RNF220: variants seen among roughly 807,000 people sequenced by gnomAD.
RNF220 encodes the protein E3 ubiquitin-protein ligase RNF220.
Under a neutral mutation model 67.1 loss-of-function variants are expected in RNF220, and 7 were observed. That is an observed-to-expected ratio of 0.10 (90% CI 0.06 to 0.20). The LOEUF is 0.20. Among genes scored for constraint, RNF220 ranks in the 10% least tolerant of loss-of-function variants. RNF220 has a pLI of 1.00. For synonymous variants in RNF220, 270 were observed against 283.2 expected (o/e 0.95, Z 0.47); for missense variants, 565 against 740.3 (o/e 0.76, Z 2.75).
intron 2 of RNF220, among the ~76,000 whole-genome samples, chr1:44,460,251 C>T (rs1653631710): frequency 6.6e-6 from 1 of 152,130 alleles, no homozygotes; most frequent in Non-Finnish European, 1.5e-5. Flanking sequence ...CAGAACAGAC[C>T]CCGGCTGTGA....
intron 2 of RNF220, among the ~76,000 whole-genome samples, chr1:44,548,217 T>C (rs929776432): frequency 6.6e-6 from 1 of 152,210 alleles, no homozygotes; most frequent in Non-Finnish European, 1.5e-5. Context: ...AGCTCACTTA[T>C]ACTGTCTAAA....
chr1:44,460,087 T>A (rs1312708909), intron 2 of RNF220, among the ~76,000 whole-genome samples: 1 of 152,288 alleles, frequency 6.6e-6, no homozygotes, highest in African/African-American at 2.4e-5. Flanking sequence ...CAATTATAGC[T>A]TAATCCCAAC....
chr1:44,574,687 T>C (rs1213143745), intron 2 of RNF220, among the ~76,000 whole-genome samples: 1 of 152,292 alleles, frequency 6.6e-6, no homozygotes, highest in East Asian at 1.9e-4. Context: ...ATTCCTCCTT[T>C]GTTTAATAAG....
At chr1:44,582,117 T>C (rs1665326354) in intron 2 of RNF220, among the ~76,000 whole-genome samples, 1 of 152,134 alleles carries the variant, frequency 6.6e-6, no homozygotes. Flanking sequence ...AGAACTCTAG[T>C]TGCAGAGTGG....
intron 2 of RNF220, among the ~76,000 whole-genome samples, chr1:44,433,460 TAAAC>T (rs1650626672): frequency 6.6e-6 from 1 of 152,268 alleles, no homozygotes; most frequent in South Asian, 2.1e-4. Flanking sequence ...ATATTCAAAA[TAAAC>T]AATGACAGCA....
chr1:44,441,306 A>G (rs190232751), intron 2 of RNF220, among the ~76,000 whole-genome samples: 39 of 152,238 alleles, frequency 2.6e-4, no homozygotes, highest in Admixed American at 2.2e-3. Flanking sequence ...GCCTGGCAGG[A>G]TGTTAAGGAG....
At chr1:44,539,563 G>T (rs1661520465) in intron 2 of RNF220, among the ~76,000 whole-genome samples, 1 of 152,218 alleles carries the variant, frequency 6.6e-6, no homozygotes, top group African/African-American at 2.4e-5. Flanking sequence ...AGTGTCTGCA[G>T]AGAGGAGAGT....
intron 2 of RNF220, among the ~76,000 whole-genome samples, chr1:44,464,279 G>A (rs1654066528): frequency 6.6e-6 from 1 of 152,208 alleles, no homozygotes. Flanking sequence ...TCTAAGCTGT[G>A]GATTAGGTCC....
intron 2 of RNF220, among the ~76,000 whole-genome samples, chr1:44,485,090 C>G (rs925003965): frequency 6.6e-6 from 1 of 152,180 alleles, no homozygotes; most frequent in Admixed American, 6.5e-5. Flanking sequence ...GAGCTGAGAT[C>G]GTGCCACTGC....
intron 2 of RNF220, among the ~76,000 whole-genome samples, chr1:44,448,184 A>G (rs1237012937): frequency 6.6e-6 from 1 of 152,238 alleles, no homozygotes; most frequent in African/African-American, 2.4e-5. Context: ...TTGTAATCCC[A>G]GCTACTTGGG....
chr1:44,517,985 T>TA (rs1206388725), intron 2 of RNF220, among the ~76,000 whole-genome samples: 2 of 152,136 alleles, frequency 1.3e-5, no homozygotes, highest in Middle Eastern at 3.2e-3. Context: ...TGCGCACCTG[T>TA]AATTCCAGCT....
At chr1:44,516,835 C>T (rs568124072) in intron 2 of RNF220, among the ~76,000 whole-genome samples, 1 of 152,254 alleles carries the variant, frequency 6.6e-6, no homozygotes, top group East Asian at 1.9e-4. Flanking sequence ...TCATGCTAAC[C>T]CTACCTCAGA....
chr1:44,537,686 C>T (rs967125725), intron 2 of RNF220, among the ~76,000 whole-genome samples: 1 of 152,132 alleles, frequency 6.6e-6, no homozygotes, highest in African/African-American at 2.4e-5. Context: ...CCCCAACTTC[C>T]CCAACCAATG....
At chr1:44,605,642 T>C (rs1667221712) in intron 2 of RNF220, among the ~76,000 whole-genome samples, 1 of 151,998 alleles carries the variant, frequency 6.6e-6, no homozygotes, top group Non-Finnish European at 1.5e-5. Flanking sequence ...ACAAGGGCTG[T>C]GATAGAAGTA....
At chr1:44,488,298 A>G (rs1656518985) in intron 2 of RNF220, among the ~76,000 whole-genome samples, 1 of 150,058 alleles carries the variant, frequency 6.7e-6, no homozygotes, top group Non-Finnish European at 1.5e-5. Flanking sequence ...ACCACACCCG[A>G]CTAATTTTTA....
intron 2 of RNF220, among the ~76,000 whole-genome samples, chr1:44,566,651 A>G (rs1284403754): frequency 7.8e-6 from 1 of 128,632 alleles, no homozygotes; most frequent in Non-Finnish European, 1.9e-5. Context: ...AGCTGGAGAA[A>G]CCCTAGGGCC....
At chr1:44,563,720 A>G (rs1663768229) in intron 2 of RNF220, among the ~76,000 whole-genome samples, 1 of 152,220 alleles carries the variant, frequency 6.6e-6, no homozygotes, top group African/African-American at 2.4e-5. Flanking sequence ...ATAATAGTCC[A>G]TATTTCAAAA....
At chr1:44,478,684 T>C (rs1164065619) in intron 2 of RNF220, among the ~76,000 whole-genome samples, 1 of 152,082 alleles carries the variant, frequency 6.6e-6, no homozygotes, top group Non-Finnish European at 1.5e-5. Context: ...ATCATGCCAC[T>C]GGACTCCAGC....
chr1:44,553,589 T>C (rs909942540), intron 2 of RNF220, among the ~76,000 whole-genome samples: 6 of 152,154 alleles, frequency 3.9e-5, no homozygotes, highest in African/African-American at 1.4e-4. Flanking sequence ...GCTGTTTGGT[T>C]TCTCTACACT....
Sources: allele counts gnomAD v4.1 joint callset (sites outside exome capture counted in the v4.1 genomes callset), GRCh38; gene constraint gnomAD v4.1.1; transcripts MANE v1.5; gene names NCBI Gene and HGNC (gene_info 2026-07-23, HGNC 2026-07-21).